Variants in RAB27A observed in about 807,000 individuals in gnomAD.
RAB27A encodes the protein RAB27A, member RAS oncogene family, also known as ras-related protein Rab-27A.
RAB27A carries 17 observed loss-of-function variants against 20.8 expected under a neutral mutation model. The observed-to-expected ratio is 0.82, with a 90% CI of 0.56 to 1.23. RAB27A has a LOEUF of 1.23. Among genes scored for constraint, RAB27A ranks in the 50% most tolerant of loss-of-function variants. The pLI, the probability that RAB27A is intolerant of heterozygous loss-of-function variation, is 0.00. For missense variants in RAB27A, 277 were observed against 266.7 expected (o/e 1.04, Z -0.27); for synonymous variants, 85 against 92.8 (o/e 0.92, Z 0.48).
At position 55,311,816 on chromosome 15, in the gene RAB27A, G is replaced by A. The variant is rs1393681965; in HGVS notation, c.-112+2223C>T. Among the ~76,000 whole-genome samples the A allele has an allele frequency of 2.6e-5, 4 of 152,148 alleles. 1 individual carries two copies. Among genetic ancestry groups the A allele is most frequent in the Non-Finnish European group, 5.9e-5 (4 of 68,028 alleles). On this transcript the variant is annotated intron_variant, in intron 2 of 5. Transcript: ENST00000563262. Reference sequence around the variant, plus strand: ...CAATTCTCCAGAATACATCTCAGGGGCGTTTCTGCCTTGGGGGGAACGTTT... The same window carrying A: ...CAATTCTCCAGAATACATCTCAGGGACGTTTCTGCCTTGGGGGGAACGTTT...
chr15:55,227,380 A>G (rs995559738), intron 5 of RAB27A, among the ~76,000 whole-genome samples: 1 of 152,220 alleles, frequency 6.6e-6, no homozygotes, highest in African/African-American at 2.4e-5. Context: ...GGGATGATGA[A>G]CACGGGCTGA....
chr15:55,278,605 C>T (rs963848121), intron 1 of RAB27A, among the ~76,000 whole-genome samples: 2 of 152,000 alleles, frequency 1.3e-5, no homozygotes, highest in Non-Finnish European at 2.9e-5. Flanking sequence ...GCCTCAGCCT[C>T]CCAAGTAGCT....
chr15:55,238,795 T>A (rs1896367597), intron 2 of RAB27A, among the ~76,000 whole-genome samples: 1 of 139,776 alleles, frequency 7.2e-6, no homozygotes, highest in African/African-American at 3.4e-5. Flanking sequence ...TTCTAACCAT[T>A]TGCAATTCAT....
chr15:55,291,424 T>C (rs1898302868), upstream of RAB27A, among the ~76,000 whole-genome samples: 1 of 141,356 alleles, frequency 7.1e-6, no homozygotes, highest in African/African-American at 2.7e-5. Flanking sequence ...GGCAGGAGAA[T>C]CGCTTGAACC....
exon 1 of RAB27A, chr15:55,319,101 C>G: frequency 1.1e-6 from 1 of 912,782 alleles, no homozygotes; most frequent in Non-Finnish European, 1.6e-6. Flanking sequence ...CGCAAGGAGG[C>G]CACCACGTCG....
intron 6 of RAB27A, among the ~76,000 whole-genome samples, chr15:55,221,211 C>T (rs1895553737): frequency 6.6e-6 from 1 of 152,198 alleles, no homozygotes; most frequent in African/African-American, 2.4e-5. Flanking sequence ...CAAGCCTGAC[C>T]CTCCCCCAGT....
intron 2 of RAB27A, among the ~76,000 whole-genome samples, chr15:55,302,290 G>C (rs930524864): frequency 1.3e-5 from 2 of 152,128 alleles, no homozygotes; most frequent in Non-Finnish European, 2.9e-5. Context: ...GGCCGGGCCG[G>C]TCTCCAGCCC....
At chr15:55,257,404 G>C (rs1482021365) in intron 2 of RAB27A, among the ~76,000 whole-genome samples, 1 of 152,228 alleles carries the variant, frequency 6.6e-6, no homozygotes, top group East Asian at 1.9e-4. Flanking sequence ...GGAACATGCT[G>C]TTAGTTCAGG....
At chr15:55,217,387 G>A (rs970755519) in intron 6 of RAB27A, among the ~76,000 whole-genome samples, 2 of 151,926 alleles carry the variant, frequency 1.3e-5, no homozygotes, top group Admixed American at 1.3e-4. Context: ...CCAGGCTGGA[G>A]GCGGTGGCTC....
At chr15:55,209,904 G>C (rs866002272) in intron 6 of RAB27A, among the ~76,000 whole-genome samples, 1 of 81,318 alleles carries the variant, frequency 1.2e-5, no homozygotes, top group Non-Finnish European at 2.3e-5. Context: ...ATACACATAT[G>C]TGTGTGTATG....
At chr15:55,263,562 T>C (rs553574230) in intron 2 of RAB27A, among the ~76,000 whole-genome samples, 1 of 152,324 alleles carries the variant, frequency 6.6e-6, no homozygotes, top group African/African-American at 2.4e-5. Context: ...CCCCATTTAA[T>C]ACCTAGAAAG....
intron 1 of RAB27A, among the ~76,000 whole-genome samples, chr15:55,287,581 C>G (rs1275824960): frequency 6.6e-6 from 1 of 151,994 alleles, no homozygotes; most frequent in Non-Finnish European, 1.5e-5. Context: ...AACCCTGTCT[C>G]TACTAAAAAT....
At chr15:55,227,330 T>C (rs1240623913) in intron 5 of RAB27A, among the ~76,000 whole-genome samples, 1 of 152,090 alleles carries the variant, frequency 6.6e-6, no homozygotes, top group Admixed American at 6.5e-5. Context: ...AAATAGTTGA[T>C]TTTAAAAAGC....
intron 1 of RAB27A, among the ~76,000 whole-genome samples, chr15:55,284,503 T>C (rs558124148): frequency 1.2e-4 from 19 of 152,328 alleles, no homozygotes; most frequent in Non-Finnish European, 2.5e-4. Context: ...ATTACAGGCT[T>C]TCTGGCATAA....
intron 2 of RAB27A, among the ~76,000 whole-genome samples, chr15:55,305,254 G>A (rs918538046): frequency 3.5e-4 from 53 of 152,250 alleles, no homozygotes; most frequent in African/African-American, 1.2e-3. Context: ...GAGGTTGGCC[G>A]ACAACCATTC....
At chr15:55,281,843 A>G (rs1285766602) in intron 1 of RAB27A, among the ~76,000 whole-genome samples, 1 of 152,182 alleles carries the variant, frequency 6.6e-6, no homozygotes, top group Non-Finnish European at 1.5e-5. Context: ...ACCTATTACA[A>G]TGAAAGCAAC....
intron 1 of RAB27A, among the ~76,000 whole-genome samples, chr15:55,285,623 C>T (rs1193036351): frequency 2.0e-5 from 3 of 152,154 alleles, no homozygotes; most frequent in Admixed American, 6.5e-5. Context: ...CAAATACAGT[C>T]CAAGAAAATC....
intron 1 of RAB27A, among the ~76,000 whole-genome samples, chr15:55,274,365 A>G (rs994057417): frequency 1.3e-5 from 2 of 152,172 alleles, no homozygotes; most frequent in Non-Finnish European, 2.9e-5. Flanking sequence ...ACTAAGCCCA[A>G]AATTAGAAGA....
chr15:55,236,786 A>G (rs144879561), intron 2 of RAB27A, among the ~76,000 whole-genome samples: 4,920 of 152,268 alleles, frequency 0.032, 128 homozygotes, highest in Middle Eastern at 0.13. Flanking sequence ...ATAGAATGTA[A>G]TGATCACATG....
Sources: allele counts gnomAD v4.1 joint callset (sites outside exome capture counted in the v4.1 genomes callset), GRCh38; gene constraint gnomAD v4.1.1; transcripts MANE v1.5; gene names NCBI Gene and HGNC (gene_info 2026-07-23, HGNC 2026-07-21).